VASP: variants seen among roughly 807,000 people sequenced by gnomAD.
VASP encodes vasodilator stimulated phosphoprotein.
In VASP, 27 loss-of-function variants were observed where a neutral mutation model predicts 54.4. The ratio of observed to expected loss-of-function variants is 0.50; its 90% CI spans 0.37 to 0.68. VASP has a LOEUF of 0.68. Ranked by LOEUF, VASP falls within the 30% of genes least tolerant of loss-of-function variation. The probability of loss-of-function intolerance (pLI) is 0.00; values close to 1 mark genes in which losing one functional copy is unlikely to be tolerated. For missense variants in VASP, 488 were observed against 528.3 expected (o/e 0.92, Z 0.75); for synonymous variants, 233 against 209.8 (o/e 1.11, Z -0.96).
rs1968518337 is a variant in VASP at position 45,507,831 on chromosome 19, C to T, written c.5+55C>T. The T allele has an allele frequency of 2.7e-6, 3 of 1,125,896 alleles. No individual in the cohort carries two copies. The highest frequency in any genetic ancestry group is 1.9e-5 in the South Asian group (1 of 52,630). 69.7% of individuals were successfully genotyped at this position (1,125,896 alleles called of 1,614,324 possible). A position where few individuals can be genotyped will look rare whatever the true frequency, so the allele number is the denominator to read the frequency against. On this transcript the variant is annotated intron_variant, in intron 1 of 12. Transcript: ENST00000245932. The surrounding 1 kb of genome is among the most constrained non-coding windows in gnomAD (Gnocchi z 4.4). ...CCGCCCGGGCGGGCTCCGCGCCCCGCCTTTGTCCCCCTCCCCCCCAGCTAG... is the reference window on the plus strand; with the variant it reads ...CCGCCCGGGCGGGCTCCGCGCCCCGTCTTTGTCCCCCTCCCCCCCAGCTAG...
intron 3 of VASP, 127 bp from the exon 4 acceptor site, chr19:45,521,195 G>C (rs1319350690): frequency 1.1e-6 from 1 of 933,178 alleles, no homozygotes; most frequent in Non-Finnish European, 1.7e-6. Context: ...GAGCCTCAGG[G>C]CCTCTGGAAG....
chr19:45,522,300 T>TTC (rs1254073577), intron 5 of VASP, 40 bp from the exon 6 acceptor site: 7 of 1,613,672 alleles, frequency 4.3e-6, no homozygotes, highest in African/African-American at 2.7e-5. Flanking sequence ...AGAATGAGGC[T>TTC]TCTCTCTCTC....
In VASP at chr19:45,526,327, G is replaced by T; in HGVS notation, c.*150G>T. ...ATCCCACTTGGAAAACTCCAAGGGG[G>T]TGTGGCTTCCCTGCTCACACCCACA... On this transcript the variant is annotated 3_prime_UTR_variant, in exon 13 of 13. Transcript: ENST00000245932. 1 of 992,478 alleles carries T rather than the reference G, an allele frequency of 1.0e-6. No individual in the cohort carries two copies. The highest frequency in any genetic ancestry group is 1.9e-5 in the South Asian group (1 of 53,604). The allele number at this position is 992,478 out of a possible 1,614,324, so 61.5% of individuals were successfully genotyped here. A position where few individuals can be genotyped will look rare whatever the true frequency, so the allele number is the denominator to read the frequency against.
chr19:45,508,697 C>T (rs1473689630), intron 1 of VASP, among the ~76,000 whole-genome samples: 3 of 152,312 alleles, frequency 2.0e-5, no homozygotes, highest in East Asian at 3.9e-4. Context: ...CCTATCCACC[C>T]GGAGCCTTGG....
Position 45,521,494 on chromosome 19 carries a change from G to T in VASP, c.428+88G>T, listed in dbSNP as rs565857737. On this transcript the variant is annotated intron_variant, in intron 4 of 12. Transcript: ENST00000245932. Reference sequence around the variant, plus strand: ...CTTGACTCCTAGAGTTCAGAACCCAGCCAACTTGCAGTTTTCAGAATGTTC... The same window carrying T: ...CTTGACTCCTAGAGTTCAGAACCCATCCAACTTGCAGTTTTCAGAATGTTC... 8.8e-5 allele frequency: 108 copies of T among 1,220,532 alleles called. No homozygotes were observed. In the African/African-American group the frequency reaches 1.6e-3, roughly 18 times the overall value. The allele number at this position is 1,220,532 out of a possible 1,614,324, so 75.6% of individuals were successfully genotyped here. A position where few individuals can be genotyped will look rare whatever the true frequency, so the allele number is the denominator to read the frequency against.
intron 1 of VASP, among the ~76,000 whole-genome samples, chr19:45,514,710 CAG>C (rs1227743241): frequency 6.6e-6 from 1 of 152,156 alleles, no homozygotes; most frequent in Non-Finnish European, 1.5e-5. Flanking sequence ...GGCTCCTGGC[CAG>C]AGTCGGCCCT....
At chr19:45,522,678 G>A (rs373859264) in intron 6 of VASP, 40 bp from the exon 7 acceptor site, 6 of 1,595,684 alleles carry the variant, frequency 3.8e-6, no homozygotes, top group Non-Finnish European at 5.1e-6. Flanking sequence ...AGGCCAAAAG[G>A]CCTGCCCCTA....
At chr19:45,513,278 C>T (rs1328718072) in intron 1 of VASP, among the ~76,000 whole-genome samples, 4 of 148,024 alleles carry the variant, frequency 2.7e-5, no homozygotes, top group Non-Finnish European at 6.0e-5. Flanking sequence ...GAGTCTTGCT[C>T]TGTTGCCCAG....
intron 1 of VASP, among the ~76,000 whole-genome samples, chr19:45,509,013 T>TC (rs1488809661): frequency 5.9e-5 from 9 of 152,180 alleles, no homozygotes; most frequent in Admixed American, 5.9e-4. Flanking sequence ...CTCTGGGACT[T>TC]CCTGCCCCAA....
chr19:45,507,526 C>T lies in VASP; in HGVS notation c.-246C>T, dbSNP rs1000288245. 4 of 509,616 alleles carry T rather than the reference C, an allele frequency of 7.8e-6. No homozygotes were observed. Among genetic ancestry groups the T allele is most frequent in the African/African-American group, 6.1e-5 (3 of 48,842 alleles). 31.6% of individuals were successfully genotyped at this position (509,616 alleles called of 1,614,324 possible). A position where few individuals can be genotyped will look rare whatever the true frequency, so the allele number is the denominator to read the frequency against. The stretch of plus-strand genomic sequence containing the variant: ...AGCCGCCACCGGCAAGGGGTGCGCG[C>T]TGGGGAGCGGACGCTGCATCCCCTT... On this transcript the variant is annotated 5_prime_UTR_variant, in exon 1 of 13. Coordinates refer to ENST00000245932, the MANE Select transcript of VASP (RefSeq NM_003370.4). The surrounding 1 kb of genome is among the most constrained non-coding windows in gnomAD (Gnocchi z 4.4).
At chr19:45,524,445 C>T in intron 10 of VASP, 125 bp from the exon 11 acceptor site, 2 of 992,760 alleles carry the variant, frequency 2.0e-6, no homozygotes, top group South Asian at 2.9e-5. Context: ...AAACTGGGGC[C>T]CCAAAAATAC....
intron 1 of VASP, among the ~76,000 whole-genome samples, chr19:45,508,410 C>G (rs994881461): frequency 1.3e-5 from 2 of 152,170 alleles, no homozygotes; most frequent in African/African-American, 4.8e-5. Flanking sequence ...GGGACCCCCC[C>G]CTTCCCCGTC....
chr19:45,520,090 C>T (rs1490378447), intron 3 of VASP, among the ~76,000 whole-genome samples: 8 of 151,570 alleles, frequency 5.3e-5, no homozygotes, highest in South Asian at 2.1e-4. Flanking sequence ...TTAGTAGAGA[C>T]GGGGTTTCGC....
rs369989989 is a variant in VASP at position 45,523,680 on chromosome 19, G to C, written c.858G>C (p.Lys286Asn). The change falls in exon 8 of 13, where the codon AAG becomes AAC. Residue 286 changes from lysine to asparagine, a missense_variant. Physicochemically the swap from Lys to Asn is moderately conservative, Grantham distance 94. This residue lies in a region of VASP where 126 missense variants were observed against 134.8 expected (regional missense o/e 0.94). Transcript: ENST00000245932. ...KATQVGEKTP[K>N]DESANQEEPE... ...CGCAAGTTGGGGAGAAAACCCCCAA[G>C]GATGAATCTGCCAATGTAAGTCAGG... is the stretch of plus-strand genomic sequence containing the variant. 1 of 1,614,012 alleles carries C rather than the reference G, an allele frequency of 6.2e-7. No homozygotes were observed. Among genetic ancestry groups the C allele is most frequent in the Non-Finnish European group, 8.5e-7 (1 of 1,180,036 alleles).
intron 1 of VASP, among the ~76,000 whole-genome samples, chr19:45,515,834 G>A (rs1002574627): frequency 7.2e-5 from 11 of 152,026 alleles, no homozygotes; most frequent in Non-Finnish European, 1.3e-4. Context: ...CACCACACCC[G>A]GCTGTACCAA....
chr19:45,521,183 T>G (rs1968823259), intron 3 of VASP, 139 bp from the exon 4 acceptor site: 2 of 847,776 alleles, frequency 2.4e-6, no homozygotes, highest in Non-Finnish European at 3.8e-6. Context: ...CTCCTGGGCC[T>G]GGAGCCTCAG....
intron 3 of VASP, among the ~76,000 whole-genome samples, chr19:45,519,743 C>T (rs544964381): frequency 6.7e-6 from 1 of 150,236 alleles, no homozygotes; most frequent in Admixed American, 6.6e-5. Flanking sequence ...CTACAGGCAC[C>T]CGCCACCACA....
chr19:45,512,971 C>T (rs762310404), intron 1 of VASP, among the ~76,000 whole-genome samples: 4 of 152,148 alleles, frequency 2.6e-5, no homozygotes, highest in East Asian at 1.9e-4. Flanking sequence ...CAATTTAGCT[C>T]TGCTTCTTCA....
intron 11 of VASP, 89 bp downstream of exon 11, chr19:45,524,749 C>T (rs1246542420): frequency 3.9e-6 from 5 of 1,275,684 alleles, no homozygotes; most frequent in Non-Finnish European, 5.6e-6. Flanking sequence ...TAGATAACAT[C>T]TCAGAAACCT....
Sources: gnomAD v4.1 joint callset for allele counts (sites outside exome capture counted in the v4.1 genomes callset) on GRCh38, gnomAD v4.1.1 for gene constraint, gnomAD v4.1.1 regional missense constraint, Gnocchi (gnomAD v3.1) non-coding constraint, MANE v1.5 for transcripts, NCBI Gene and HGNC (gene_info 2026-07-23, HGNC 2026-07-21) for gene names.